Variants in ERC2 observed in about 807,000 individuals in gnomAD.
ERC2 encodes ELKS/RAB6-interacting/CAST family member 2.
In ERC2, 42 loss-of-function variants were observed where a neutral mutation model predicts 114.8. The observed-to-expected ratio is 0.37, with a 90% CI of 0.29 to 0.47. The LOEUF is 0.47. ERC2 is among the 20% of genes least tolerant of loss of function. The probability of loss-of-function intolerance (pLI) is 0.99; values close to 1 mark genes in which losing one functional copy is unlikely to be tolerated. For missense variants in ERC2, 939 were observed against 1,150.7 expected (o/e 0.82, Z 2.66); for synonymous variants, 454 against 425.5 (o/e 1.07, Z -0.82).
intron 14 of ERC2, among the ~76,000 whole-genome samples, chr3:55,886,165 A>T (rs940123811): frequency 2.6e-5 from 4 of 152,222 alleles, no homozygotes; most frequent in Non-Finnish European, 5.9e-5. Flanking sequence ...GAAAGAATAC[A>T]GGCTGATTGA....
chr3:55,734,957 T>TAA (rs746130668), intron 14 of ERC2, 39 bp from the exon 15 acceptor site: 120 of 1,165,902 alleles, frequency 1.0e-4, no homozygotes, highest in South Asian at 4.8e-4. Context: ...TTTTGTAAAA[T>TAA]AAAAAAAAAA....
At chr3:55,737,388 G>A (rs537031876) in intron 14 of ERC2, among the ~76,000 whole-genome samples, 2 of 152,316 alleles carry the variant, frequency 1.3e-5, no homozygotes, top group African/African-American at 4.8e-5. Flanking sequence ...TGAGACAATA[G>A]ACATGCTTGC....
chr3:56,175,650 A>T (rs1056746371), intron 3 of ERC2, among the ~76,000 whole-genome samples: 3 of 151,992 alleles, frequency 2.0e-5, no homozygotes, highest in African/African-American at 7.3e-5. Context: ...AAATTAAAAA[A>T]CCTGCACCCC....
chr3:56,243,472 G>A (rs753336040), intron 3 of ERC2, among the ~76,000 whole-genome samples: 2 of 152,196 alleles, frequency 1.3e-5, no homozygotes, highest in Non-Finnish European at 2.9e-5. Flanking sequence ...ATAGAAGGAT[G>A]TACAGTCACG....
intron 17 of ERC2, among the ~76,000 whole-genome samples, chr3:55,539,718 C>T (rs1055569769): frequency 6.6e-5 from 10 of 151,908 alleles, no homozygotes; most frequent in Non-Finnish European, 1.0e-4. Context: ...TGAGCCACTG[C>T]GCCCCACCCT....
intron 14 of ERC2, among the ~76,000 whole-genome samples, chr3:55,876,454 T>C (rs1472820905): frequency 6.6e-6 from 1 of 152,196 alleles, no homozygotes; most frequent in African/African-American, 2.4e-5. Context: ...TTCTCTTCTA[T>C]CCTTTCTGGT....
At chr3:55,957,382 A>T (rs1332343761) in intron 12 of ERC2, among the ~76,000 whole-genome samples, 1 of 151,530 alleles carries the variant, frequency 6.6e-6, no homozygotes, top group Non-Finnish European at 1.5e-5. Context: ...AAGTTATCTC[A>T]TTAGGGGATG....
chr3:56,105,431 T>A (rs2078599862), intron 6 of ERC2, among the ~76,000 whole-genome samples: 1 of 152,046 alleles, frequency 6.6e-6, no homozygotes, highest in Middle Eastern at 3.2e-3. Context: ...TCCCACCTTA[T>A]CCTCCTGAGT....
chr3:56,346,910 T>C (rs915936892), intron 2 of ERC2, among the ~76,000 whole-genome samples: 2 of 152,134 alleles, frequency 1.3e-5, no homozygotes, highest in African/African-American at 2.4e-5. Flanking sequence ...ACAAACCCTT[T>C]TATAATCGGC....
In ERC2 at chr3:55,554,396, C is replaced by T. The variant is rs578167485; in HGVS notation, c.*40-43120G>A. On this transcript the variant is annotated intron_variant, in intron 17 of 17. Coordinates refer to ENST00000288221, the MANE Select transcript of ERC2 (RefSeq NM_015576.3). ...TGACATCCTTAACAAGTAGAAAGGC[C>T]TTTCAGGCATTTTCCGTCCTTCCAT... 2.0e-4 allele frequency among the ~76,000 whole-genome samples: 30 copies of T among 152,308 alleles called. No homozygotes were observed. In the South Asian group the frequency reaches 5.4e-3, roughly 27 times the overall value.
intron 2 of ERC2, among the ~76,000 whole-genome samples, chr3:56,353,806 A>AT (rs2058642499): frequency 2.0e-4 from 5 of 25,064 alleles, no homozygotes; most frequent in South Asian, 2.2e-3. Flanking sequence ...ACGTATAATA[A>AT]AATATATATA....
At chr3:56,097,382 C>T (rs2078118385) in intron 6 of ERC2, among the ~76,000 whole-genome samples, 1 of 151,996 alleles carries the variant, frequency 6.6e-6, no homozygotes, top group Non-Finnish European at 1.5e-5. Flanking sequence ...AACAATCATC[C>T]CTTTGCTAGT....
intron 17 of ERC2, chr3:55,612,739 A>C (rs1395834672): frequency 6.6e-6 from 1 of 152,170 alleles, no homozygotes; most frequent in African/African-American, 2.4e-5. Context: ...CATCCATGGT[A>C]AGTGTAAAGT....
intron 17 of ERC2, among the ~76,000 whole-genome samples, chr3:55,551,435 A>G (rs879397731): frequency 6.6e-6 from 1 of 152,114 alleles, no homozygotes; most frequent in Non-Finnish European, 1.5e-5. Context: ...AGCCAGGAGA[A>G]TTGGTTGAAC....
At chr3:55,744,612 G>A (rs1463028964) in intron 14 of ERC2, among the ~76,000 whole-genome samples, 1 of 152,186 alleles carries the variant, frequency 6.6e-6, no homozygotes, top group Non-Finnish European at 1.5e-5. Context: ...TACATGAGGT[G>A]AGCACCAAGT....
At chr3:56,147,010 G>C (rs1355817474) in intron 5 of ERC2, among the ~76,000 whole-genome samples, 5 of 152,246 alleles carry the variant, frequency 3.3e-5, no homozygotes, top group Non-Finnish European at 2.9e-5. Flanking sequence ...CAGAGTCCAT[G>C]ATGAGGGGCA....
intron 17 of ERC2, among the ~76,000 whole-genome samples, chr3:55,644,562 A>G (rs1453749885): frequency 6.6e-6 from 1 of 152,146 alleles, no homozygotes; most frequent in Non-Finnish European, 1.5e-5. Flanking sequence ...CCATATGGTC[A>G]CTGTCAGGGA....
chr3:56,136,829 A>G (rs1308839360), intron 6 of ERC2, among the ~76,000 whole-genome samples: 1 of 152,224 alleles, frequency 6.6e-6, no homozygotes, highest in East Asian at 1.9e-4. Context: ...AAGGCAAAAG[A>G]AAATTCCTCA....
At chr3:55,543,780 C>T (rs2054559025) in intron 17 of ERC2, among the ~76,000 whole-genome samples, 1 of 152,084 alleles carries the variant, frequency 6.6e-6, no homozygotes. Flanking sequence ...CCATTTGCTT[C>T]TCTCTACGTC....
Sources: gnomAD v4.1 joint callset for allele counts (sites outside exome capture counted in the v4.1 genomes callset) on GRCh38, gnomAD v4.1.1 for gene constraint, MANE v1.5 for transcripts, NCBI Gene and HGNC (gene_info 2026-07-23, HGNC 2026-07-21) for gene names.